KCNG1: variants seen among roughly 807,000 people sequenced by gnomAD.
KCNG1 encodes the protein voltage-gated potassium channel regulatory subunit KCNG1.
In KCNG1, 17 loss-of-function variants were observed where a neutral mutation model predicts 32.4. The observed-to-expected ratio is 0.52, with a 90% CI of 0.36 to 0.79. KCNG1 has a LOEUF of 0.79. KCNG1 is among the 30% of genes least tolerant of loss of function. KCNG1 has a pLI of 0.00. For missense variants in KCNG1, 441 were observed against 735.2 expected (o/e 0.60, Z 4.63); for synonymous variants, 358 against 339.9 (o/e 1.05, Z -0.59).
At chr20:51,019,535 A>G (rs1988396755) in intron 1 of KCNG1, among the ~76,000 whole-genome samples, 1 of 152,052 alleles carries the variant, frequency 6.6e-6, no homozygotes, top group African/African-American at 2.4e-5. Flanking sequence ...TAATAATAAT[A>G]AATTTATATT....
At chr20:51,011,153 T>G (rs1988078286) in intron 1 of KCNG1, among the ~76,000 whole-genome samples, 1 of 152,160 alleles carries the variant, frequency 6.6e-6, no homozygotes, top group Non-Finnish European at 1.5e-5. Flanking sequence ...CACCTAATAG[T>G]GAAATAGCAA....
At chr20:51,008,942 C>T (rs1296072110) in intron 2 of KCNG1, among the ~76,000 whole-genome samples, 2 of 152,204 alleles carry the variant, frequency 1.3e-5, no homozygotes, top group African/African-American at 4.8e-5. Context: ...CACATGCAGC[C>T]CAGCTCCGGC....
intron 1 of KCNG1, among the ~76,000 whole-genome samples, chr20:51,017,449 G>A (rs1410201601): frequency 1.3e-5 from 2 of 152,346 alleles, no homozygotes; most frequent in Middle Eastern, 3.4e-3. Flanking sequence ...GAAGAAGCGC[G>A]GGGATTGGAA....
rs144035995 is a variant in KCNG1, at chr20:51,004,856, A to G, written c.775-50T>C. The G allele has an allele frequency of 1.4e-6, 2 of 1,470,768 alleles. No homozygotes were observed. Among genetic ancestry groups the G allele is most frequent in the East Asian group, 4.9e-5 (2 of 40,892 alleles). 91.1% of individuals were successfully genotyped at this position (1,470,768 alleles called of 1,614,324 possible). A position where few individuals can be genotyped will look rare whatever the true frequency, so the allele number is the denominator to read the frequency against. On this transcript the variant is annotated intron_variant, in intron 2 of 2. Coordinates refer to ENST00000371571, the MANE Select transcript of KCNG1 (RefSeq NM_002237.4). This position sits in a 1 kb window ranked among gnomAD's most constrained non-coding sequence, Gnocchi z 4.3. ...GGAGGGGTCAGCGGGCCCTCCAGGAAAGGAGGGCAGAAGCTCTGCCCTGTG... is the reference window on the plus strand; with the variant it reads ...GGAGGGGTCAGCGGGCCCTCCAGGAGAGGAGGGCAGAAGCTCTGCCCTGTG...
At chr20:51,017,007 A>C (rs1413790648) in intron 1 of KCNG1, among the ~76,000 whole-genome samples, 1 of 152,246 alleles carries the variant, frequency 6.6e-6, no homozygotes, top group African/African-American at 2.4e-5. Context: ...ACCTGGGACC[A>C]CAAAGGGTTG....
Position 51,004,639 on chromosome 20 carries a change from G to C in KCNG1, c.942C>G (p.Ile314Met), listed in dbSNP as rs149675848. The C allele has an allele frequency of 6.3e-7, 1 of 1,599,464 alleles. No homozygotes were observed. Among genetic ancestry groups the C allele is most frequent in the Non-Finnish European group, 8.5e-7 (1 of 1,172,930 alleles). The change falls in exon 3 of 3, where the codon ATC becomes ATG. Residue 314 changes from isoleucine (I) to methionine (M), a missense_variant. Ile to Met is a conservative substitution (Grantham distance 10, BLOSUM62 1). This residue lies in a region of KCNG1 where 169 missense variants were observed against 297.7 expected (regional missense o/e 0.57). Coordinates refer to ENST00000371571, the MANE Select transcript of KCNG1 (RefSeq NM_002237.4). The surrounding 1 kb of genome is among the most constrained non-coding windows in gnomAD (Gnocchi z 4.3). ...IDLVAILPYY[I>M]TLLVDGAAAG... is the part of the protein sequence containing the mutation. ...CGGCGGCGCCGTCCACCAGCAGCGT[G>C]ATGTAGTAGGGCAGGATGGCCACCA...
intron 2 of KCNG1, chr20:51,006,505 C>A (rs749582702): frequency 6.6e-6 from 1 of 152,154 alleles, no homozygotes; most frequent in African/African-American, 2.4e-5. Context: ...CACTATGCAT[C>A]GCTTCTAATC....
chr20:51,013,032 G>A (rs374591398), intron 1 of KCNG1, among the ~76,000 whole-genome samples: 4 of 150,942 alleles, frequency 2.7e-5, no homozygotes, highest in Non-Finnish European at 5.9e-5. Context: ...GACCGGGTGC[G>A]GTGGCTCAGG....
chr20:51,011,991 C>T (rs1210524084), intron 1 of KCNG1, among the ~76,000 whole-genome samples: 1 of 152,176 alleles, frequency 6.6e-6, no homozygotes, highest in Non-Finnish European at 1.5e-5. Flanking sequence ...CATGGTTTTG[C>T]CATGTTGGCC....
In KCNG1 at chr20:51,010,033, G is replaced by A. The variant is rs1249032744; in HGVS notation, c.306C>T (p.Leu102=). 6.2e-7 allele frequency: 1 copy of A among 1,614,120 alleles called. No homozygotes were observed. Among genetic ancestry groups the A allele is most frequent in the African/African-American group, 1.3e-5 (1 of 75,078 alleles). ...TGACGTCGTAGTCATCGCACACGTTGAGGATGTCGTCGAAGTTGGTGCAGG... is the reference window on the plus strand; with the variant it reads ...TGACGTCGTAGTCATCGCACACGTTAAGGATGTCGTCGAAGTTGGTGCAGG... ...LKACTNFDDI[L]NVCDDYDVTC... The change falls in exon 2 of 3, where the codon CTC becomes CTT. Residue 102 remains leucine, a synonymous_variant. Transcript: ENST00000371571.
intron 1 of KCNG1, among the ~76,000 whole-genome samples, chr20:51,021,267 C>T (rs1481052894): frequency 3.3e-5 from 5 of 152,230 alleles, no homozygotes; most frequent in Admixed American, 6.5e-5. Context: ...CAGGGGCCAG[C>T]GCTTGCCTGT....
intron 1 of KCNG1, among the ~76,000 whole-genome samples, chr20:51,020,908 G>A (rs1241676318): frequency 6.6e-6 from 1 of 152,200 alleles, no homozygotes; most frequent in Non-Finnish European, 1.5e-5. Context: ...AGAATTCAAA[G>A]TGGTGCTCAG....
Position 51,015,678 on chromosome 20 carries a change from A to G in KCNG1, c.-26-5314T>C, listed in dbSNP as rs1988255743. On this transcript the variant is annotated intron_variant, in intron 1 of 2. Transcript: ENST00000371571. The surrounding 1 kb of genome is among the most constrained non-coding windows in gnomAD (Gnocchi z 4.4). Reference sequence around the variant, plus strand: ...TGTCCCCACATTCCCCTAGATGCCCACGTCCTAATCCTAATCCCTGGAAGC... The same window carrying G: ...TGTCCCCACATTCCCCTAGATGCCCGCGTCCTAATCCTAATCCCTGGAAGC... 1.3e-5 allele frequency among the ~76,000 whole-genome samples: 2 copies of G among 152,178 alleles called. No individual in the cohort carries two copies. Among genetic ancestry groups the G allele is most frequent in the African/African-American group, 4.8e-5 (2 of 41,430 alleles).
intron 1 of KCNG1, among the ~76,000 whole-genome samples, chr20:51,020,534 A>T (rs981855504): frequency 1.3e-5 from 2 of 152,204 alleles, no homozygotes; most frequent in African/African-American, 4.8e-5. Flanking sequence ...AATGGTCCAC[A>T]GCAATGGAGT....
chr20:51,019,333 G>A (rs1455916482), intron 1 of KCNG1, among the ~76,000 whole-genome samples: 1 of 152,114 alleles, frequency 6.6e-6, no homozygotes, highest in Non-Finnish European at 1.5e-5. Context: ...GCAACATAGT[G>A]AGACCCTGTT....
intron 1 of KCNG1, among the ~76,000 whole-genome samples, chr20:51,017,486 A>T (rs1485830305): frequency 6.6e-6 from 1 of 152,226 alleles, no homozygotes; most frequent in Non-Finnish European, 1.5e-5. Flanking sequence ...GTAAGATGAG[A>T]CAGCCTGGCA....
At chr20:51,013,547 A>C (rs1200719855) in intron 1 of KCNG1, among the ~76,000 whole-genome samples, 2 of 152,124 alleles carry the variant, frequency 1.3e-5, no homozygotes, top group Non-Finnish European at 2.9e-5. Flanking sequence ...AGGGTGTTTC[A>C]CACTTAAAAG....
Position 51,004,405 on chromosome 20 carries a change from C to T in KCNG1, c.1176G>A (p.Ala392=), listed in dbSNP as rs2123202233. ...LFLCVAIALF[A]PLLYVIENEM... ...CGTTCTCGATGACGTAGAGCAGGGG[C>T]GCGAAGAGGGCGATGGCCACGCAGA... The change falls in exon 3 of 3, where the codon GCG becomes GCA. Residue 392 remains alanine, a synonymous_variant. Coordinates refer to ENST00000371571, the MANE Select transcript of KCNG1 (RefSeq NM_002237.4). This position sits in a 1 kb window ranked among gnomAD's most constrained non-coding sequence, Gnocchi z 4.3. 1.2e-6 allele frequency: 2 copies of T among 1,612,468 alleles called. No individual in the cohort carries two copies. The highest frequency in any genetic ancestry group is 1.7e-6 in the Non-Finnish European group (2 of 1,178,738).
chr20:51,015,557 G>A lies in KCNG1; in HGVS notation c.-26-5193C>T, dbSNP rs578151164. On this transcript the variant is annotated intron_variant, in intron 1 of 2. Transcript: ENST00000371571. This position sits in a 1 kb window ranked among gnomAD's most constrained non-coding sequence, Gnocchi z 4.4. Reference sequence around the variant, plus strand: ...TAGTAGAGCTATGGTGAAGTCAGAGGTGGGGGCCTCACCTGTGCCCTGTGC... The same window carrying A: ...TAGTAGAGCTATGGTGAAGTCAGAGATGGGGGCCTCACCTGTGCCCTGTGC... 5.9e-5 allele frequency among the ~76,000 whole-genome samples: 9 copies of A among 152,324 alleles called. No homozygotes were observed. In the East Asian group the frequency reaches 1.4e-3, roughly 23 times the overall value.
Sources: gnomAD v4.1 joint callset for allele counts (sites outside exome capture counted in the v4.1 genomes callset) on GRCh38, gnomAD v4.1.1 for gene constraint, gnomAD v4.1.1 regional missense constraint, Gnocchi (gnomAD v3.1) non-coding constraint, MANE v1.5 for transcripts, NCBI Gene and HGNC (gene_info 2026-07-23, HGNC 2026-07-21) for gene names.